Variants in GPHN observed in about 807,000 individuals in gnomAD.
GPHN encodes the protein gephyrin.
A neutral mutation model predicts 95.5 loss-of-function variants in GPHN; 17 were observed. The ratio of observed to expected loss-of-function variants is 0.18; its 90% CI spans 0.12 to 0.27. The LOEUF is 0.27. Ranked by LOEUF, GPHN falls within the 10% of genes least tolerant of loss-of-function variation. The pLI is 1.00. For missense variants in GPHN, 660 were observed against 978.1 expected, an observed-to-expected ratio of 0.67 and a Z score of 4.34; for synonymous variants, 320 against 322.5, an observed-to-expected ratio of 0.99 and a Z score of 0.08.
the GPHN span, chr14:67,575,911 G>C: frequency 1.2e-6 from 2 of 1,613,746 alleles, no homozygotes; most frequent in Non-Finnish European, 1.7e-6. Context: ...GAGGCTGGAG[G>C]AACCAGACGG....
chr14:66,920,796 T>C (rs2066177192), intron 6 of GPHN, among the ~76,000 whole-genome samples: 1 of 152,074 alleles, frequency 6.6e-6, no homozygotes, highest in African/African-American at 2.4e-5. Flanking sequence ...GTCATTCCTA[T>C]GCCTTTGCGT....
the GPHN span, among the ~76,000 whole-genome samples, chr14:67,251,224 C>G: frequency 6.6e-6 from 1 of 152,168 alleles, no homozygotes; most frequent in Non-Finnish European, 1.5e-5. Flanking sequence ...CCATTTTCCA[C>G]TTTACCTAGT....
chr14:67,438,985 G>A, the GPHN span, among the ~76,000 whole-genome samples: 2 of 152,108 alleles, frequency 1.3e-5, no homozygotes, highest in Non-Finnish European at 2.9e-5. Context: ...ATCCATGAGG[G>A]CACAGGCAAC....
At chr14:67,697,842 A>G in the GPHN span, among the ~76,000 whole-genome samples, 2 of 152,204 alleles carry the variant, frequency 1.3e-5, no homozygotes, top group Non-Finnish European at 2.9e-5. Context: ...ATTTCTGTAC[A>G]TGTAAGCTCC....
chr14:66,925,453 A>G (rs1289342174), intron 8 of GPHN, among the ~76,000 whole-genome samples: 5 of 151,812 alleles, frequency 3.3e-5, no homozygotes, highest in Non-Finnish European at 7.4e-5. Context: ...TCTGGTAACC[A>G]TCATTCTACC....
intron 12 of GPHN, among the ~76,000 whole-genome samples, chr14:67,097,537 C>G (rs985187071): frequency 6.6e-6 from 1 of 151,828 alleles, no homozygotes; most frequent in African/African-American, 2.4e-5. Flanking sequence ...CCCTATTTCC[C>G]TCCCTTTGTC....
At chr14:66,718,959 A>T (rs1175558397) in intron 2 of GPHN, among the ~76,000 whole-genome samples, 2 of 152,096 alleles carry the variant, frequency 1.3e-5, no homozygotes, top group African/African-American at 4.8e-5. Context: ...TGCCTCTCAC[A>T]CGTCCTTCAG....
At chr14:67,122,819 C>CT (rs2079086850) in intron 17 of GPHN, among the ~76,000 whole-genome samples, 2 of 152,266 alleles carry the variant, frequency 1.3e-5, no homozygotes, top group South Asian at 4.1e-4. Context: ...ATTTTTGTGT[C>CT]TTTATGTAAC....
intron 9 of GPHN, among the ~76,000 whole-genome samples, chr14:66,966,022 T>C (rs1463101448): frequency 6.6e-6 from 1 of 152,186 alleles, no homozygotes. Flanking sequence ...GAATGCTCCT[T>C]GCCTGATTAA....
the GPHN span, among the ~76,000 whole-genome samples, chr14:67,383,147 T>G: frequency 1.3e-5 from 2 of 152,212 alleles, no homozygotes; most frequent in Non-Finnish European, 2.9e-5. Context: ...TTTCACCTCT[T>G]ATTTATGTAA....
intron 1 of GPHN, among the ~76,000 whole-genome samples, chr14:66,676,701 G>T (rs1434799677): frequency 7.6e-6 from 1 of 130,928 alleles, no homozygotes. Context: ...TGTGCCTTTG[G>T]ATTCAGATTC....
At chr14:67,712,515 A>AAG in the GPHN span, among the ~76,000 whole-genome samples, 1 of 148,958 alleles carries the variant, frequency 6.7e-6, no homozygotes, top group Non-Finnish European at 1.5e-5. Flanking sequence ...AAAAAAAAAA[A>AAG]AAGACAAGGT....
At chr14:67,471,639 T>C in the GPHN span, 1 of 152,202 alleles carries the variant, frequency 6.6e-6, no homozygotes, top group African/African-American at 2.4e-5. Context: ...GGAAATAGGC[T>C]AGGAAATACC....
At chr14:66,832,168 T>A (rs986765561) in intron 4 of GPHN, among the ~76,000 whole-genome samples, 1 of 152,026 alleles carries the variant, frequency 6.6e-6, no homozygotes, top group Admixed American at 6.6e-5. Flanking sequence ...AAATAAGATA[T>A]GTATAAGGAA....
intron 8 of GPHN, among the ~76,000 whole-genome samples, chr14:66,940,792 T>C (rs1246808772): frequency 6.6e-6 from 1 of 152,148 alleles, no homozygotes; most frequent in Non-Finnish European, 1.5e-5. Flanking sequence ...AAAATGTGTC[T>C]TGGGGTGGGG....
At chr14:67,688,128 G>A in the GPHN span, among the ~76,000 whole-genome samples, 13 of 151,922 alleles carry the variant, frequency 8.6e-5, no homozygotes, top group South Asian at 6.3e-4. Flanking sequence ...ATCATCCTTC[G>A]GGGCTCAGCA....
chr14:66,631,100 G>A (rs1015373414), intron 1 of GPHN, among the ~76,000 whole-genome samples: 2 of 151,838 alleles, frequency 1.3e-5, no homozygotes, highest in African/African-American at 4.8e-5. Context: ...GCCCAGGCTG[G>A]AGTGCAGTGG....
At chr14:66,825,960 A>G (rs191488084) in intron 4 of GPHN, among the ~76,000 whole-genome samples, 1 of 152,322 alleles carries the variant, frequency 6.6e-6, no homozygotes, top group Admixed American at 6.5e-5. Context: ...GTTTCTTTGT[A>G]AGAACATTGA....
chr14:67,588,774 T>C, the GPHN span: 1 of 152,604 alleles, frequency 6.6e-6, no homozygotes, highest in African/African-American at 2.4e-5. Context: ...ACCCCAACAA[T>C]GTGTGTATCT....
Sources: gnomAD v4.1 joint callset for allele counts (sites outside exome capture counted in the v4.1 genomes callset) on GRCh38, gnomAD v4.1.1 for gene constraint, MANE v1.5 for transcripts, NCBI Gene and HGNC (gene_info 2026-07-23, HGNC 2026-07-21) for gene names.